The following ZNF638 variants were observed in gnomAD, a reference collection of about 807,000 sequenced individuals.
ZNF638 encodes CTCL tumor antigen se33-1.
ZNF638 carries 46 observed loss-of-function variants against 195.6 expected under a neutral mutation model. The ratio of observed to expected loss-of-function variants is 0.24; its 90% CI spans 0.19 to 0.30. The LOEUF (loss-of-function observed/expected upper bound fraction) is 0.30. ZNF638 is among the 10% of genes least tolerant of loss of function. The pLI is 1.00. For missense variants in ZNF638, 2,440 were observed against 2,325.3 expected, an observed-to-expected ratio of 1.05 and a Z score of -1.01; for synonymous variants, 845 against 772.0, an observed-to-expected ratio of 1.09 and a Z score of -1.57.
At chr2:71,397,323 A>G (rs1422499384) in intron 11 of ZNF638, among the ~76,000 whole-genome samples, 1 of 152,200 alleles carries the variant, frequency 6.6e-6, no homozygotes, top group Admixed American at 6.5e-5. Context: ...GAAATATCTT[A>G]AGGGCTCACT....
intron 16 of ZNF638, among the ~76,000 whole-genome samples, chr2:71,403,302 C>G (rs1235907255): frequency 2.0e-5 from 3 of 152,090 alleles, no homozygotes; most frequent in Admixed American, 6.5e-5. Flanking sequence ...AGCAAACATA[C>G]AGCTTTCTAC....
In ZNF638 at chr2:71,371,214, T is replaced by C. The variant is rs1468717092; in HGVS notation, c.2265+1209T>C. Among the ~76,000 whole-genome samples the C allele has an allele frequency of 2.6e-5, 4 of 152,232 alleles. No homozygotes were observed. The East Asian group carries it at 7.7e-4, about 29-fold the overall frequency. ...GGCTGAAGAGTACTCCATTGTGTTA[T>C]GTACCACATTTTCTTTATCTATTCA... On this transcript the variant is annotated intron_variant, in intron 8 of 27. Coordinates refer to ENST00000264447, the MANE Select transcript of ZNF638 (RefSeq NM_014497.5).
At position 71,397,943 on chromosome 2, in the gene ZNF638, T is replaced by A. The variant is rs138305645; in HGVS notation, c.2429-758T>A. On this transcript the variant is annotated intron_variant, in intron 11 of 27. Transcript: ENST00000264447. ...CAATCTTTATATGACCTGACTATGATATAAGTATTCTTGAATGCTTTCTAA... is the reference window on the plus strand; with the variant it reads ...CAATCTTTATATGACCTGACTATGAAATAAGTATTCTTGAATGCTTTCTAA... Among the ~76,000 whole-genome samples the A allele has an allele frequency of 6.2e-4, 94 of 152,368 alleles. 1 individual carries two copies. The highest frequency in any genetic ancestry group is 1.7e-3 in the South Asian group (8 of 4,830).
At chr2:71,378,958 CG>C (rs1330700609) in intron 8 of ZNF638, among the ~76,000 whole-genome samples, 1 of 152,118 alleles carries the variant, frequency 6.6e-6, no homozygotes, top group Non-Finnish European at 1.5e-5. Context: ...GTAGAACATA[CG>C]TTGTAAACTT....
chr2:71,410,005 T>C (rs2152586215), intron 20 of ZNF638, among the ~76,000 whole-genome samples: 2 of 152,332 alleles, frequency 1.3e-5, no homozygotes, highest in South Asian at 4.1e-4. Context: ...CTCTTACGTA[T>C]TTCATTGATT....
intron 8 of ZNF638, among the ~76,000 whole-genome samples, 199 bp downstream of exon 8, chr2:71,370,204 G>A (rs1003146965): frequency 1.3e-5 from 2 of 152,054 alleles, no homozygotes; most frequent in Non-Finnish European, 2.9e-5. Flanking sequence ...AAATAACGAC[G>A]ACTAGGAGAA....
At position 71,409,751 on chromosome 2, in the gene ZNF638, C is replaced by T. The variant is rs1186543745; in HGVS notation, c.3261+1504C>T. Among the ~76,000 whole-genome samples the T allele has an allele frequency of 2.0e-5, 3 of 152,274 alleles. No homozygotes were observed. In the East Asian group the frequency reaches 5.8e-4, roughly 29 times the overall value. Reference sequence around the variant, plus strand: ...CTATTTGTTGAATGGAGTCTCCTTTCAGAGCTATTCTTGTGACTCTTTTCT... The same window carrying T: ...CTATTTGTTGAATGGAGTCTCCTTTTAGAGCTATTCTTGTGACTCTTTTCT... On this transcript the variant is annotated intron_variant, in intron 20 of 27. Transcript: ENST00000264447.
chr2:71,345,602 G>A (rs2104146971), intron 1 of ZNF638, among the ~76,000 whole-genome samples: 1 of 152,100 alleles, frequency 6.6e-6, no homozygotes, highest in African/African-American at 2.4e-5. Flanking sequence ...GGCTGGCCTC[G>A]AACTCCTGGG....
intron 21 of ZNF638, 66 bp from the exon 22 acceptor site, chr2:71,422,745 CTCA>C: frequency 1.3e-6 from 2 of 1,481,524 alleles, no homozygotes; most frequent in Non-Finnish European, 1.8e-6. Context: ...TGGTTGAATT[CTCA>C]TCATAGTTTG....
At chr2:71,380,402 C>G in intron 9 of ZNF638, 111 bp from the exon 10 acceptor site, 2 of 1,109,670 alleles carry the variant, frequency 1.8e-6, no homozygotes. Context: ...AGAGGGATAT[C>G]ACTCCAGTTG....
chr2:71,338,070 C>T (rs549320897), intron 1 of ZNF638, among the ~76,000 whole-genome samples: 1 of 152,260 alleles, frequency 6.6e-6, no homozygotes, highest in South Asian at 2.1e-4. Context: ...TTTACCATTT[C>T]CATTTGCCCT....
intron 8 of ZNF638, chr2:71,374,034 C>T (rs780165301): frequency 1.3e-5 from 2 of 152,092 alleles, no homozygotes; most frequent in Non-Finnish European, 2.9e-5. Context: ...CTTTGTTGCC[C>T]AAGGTGATCT....
chr2:71,404,163 G>GT (rs1285068753), intron 17 of ZNF638, among the ~76,000 whole-genome samples, 165 bp downstream of exon 17: 4 of 152,156 alleles, frequency 2.6e-5, no homozygotes, highest in African/African-American at 9.7e-5. Flanking sequence ...CCATCCCACT[G>GT]TTTGAGAGTT....
chr2:71,428,535 T>A lies in ZNF638; in HGVS notation c.5546-12T>A. 6.2e-7 allele frequency: 1 copy of A among 1,607,600 alleles called. No homozygotes were observed. Among genetic ancestry groups the A allele is most frequent in the Non-Finnish European group, 8.5e-7 (1 of 1,175,862 alleles). On this transcript the variant is annotated splice_polypyrimidine_tract_variant and intron_variant, in intron 24 of 27. Coordinates refer to ENST00000264447, the MANE Select transcript of ZNF638 (RefSeq NM_014497.5). ...GTTACTAGAGCAATAAATTAGGACT[T>A]TCTTTTTAAAGCTAAAACTCCAACC...
At chr2:71,400,052 T>C (rs2079975563) in intron 13 of ZNF638, 60 bp from the exon 14 acceptor site, 2 of 1,364,016 alleles carry the variant, frequency 1.5e-6, no homozygotes, top group South Asian at 2.8e-5. Flanking sequence ...CCTGTTTAGA[T>C]TCATTAGTTT....
chr2:71,423,721 A>C lies in ZNF638; in HGVS notation c.4207A>C (p.Lys1403Gln). The change falls in exon 22 of 28, where the codon AAG becomes CAG. Residue 1403 changes from lysine to glutamine, a missense_variant. Physicochemically the swap from Lys to Gln is moderately conservative, Grantham distance 53 (BLOSUM62 1). Transcript: ENST00000264447. ...SIKAVIVSSP[K>Q]AKATVSKTEN... Reference sequence around the variant, plus strand: ...CAAGGCTGTTATAGTCTCTTCTCCTAAGGCAAAAGCTACAGTTTCAAAAAC... The same window carrying C: ...CAAGGCTGTTATAGTCTCTTCTCCTCAGGCAAAAGCTACAGTTTCAAAAAC... The C allele has an allele frequency of 6.2e-7, 1 of 1,613,892 alleles. No individual in the cohort carries two copies.
Position 71,405,618 on chromosome 2 carries a change from C to A in ZNF638, c.2976C>A (p.Thr992=). The change falls in exon 18 of 28, where the codon ACC becomes ACA. Residue 992 remains threonine, a synonymous_variant. Coordinates refer to ENST00000264447, the MANE Select transcript of ZNF638 (RefSeq NM_014497.5). ...CTTTTTAGGAAGCTATATTTATAAC[C>A]TTGGTAAAAGAAAATGACCCAGAGG... ...NIKDEEAIFI[T]LVKENDPEAN... 6.4e-7 allele frequency: 1 copy of A among 1,571,688 alleles called. No individual in the cohort carries two copies. Among genetic ancestry groups the A allele is most frequent in the Non-Finnish European group, 8.7e-7 (1 of 1,154,508 alleles).
At chr2:71,385,085 C>G (rs2079610040) in intron 10 of ZNF638, among the ~76,000 whole-genome samples, 1 of 152,132 alleles carries the variant, frequency 6.6e-6, no homozygotes, top group South Asian at 2.1e-4. Context: ...CAAATACTGA[C>G]AAAGACACTA....
chr2:71,374,764 C>A (rs1558851912), intron 8 of ZNF638: 1 of 152,068 alleles, frequency 6.6e-6, no homozygotes, highest in East Asian at 1.9e-4. Flanking sequence ...ACTAAAAATA[C>A]AAAAATTAGC....
Sources: allele counts gnomAD v4.1 joint callset (sites outside exome capture counted in the v4.1 genomes callset), GRCh38; gene constraint gnomAD v4.1.1; transcripts MANE v1.5; gene names NCBI Gene and HGNC (gene_info 2026-07-23, HGNC 2026-07-21).